Variants in COL19A1 observed in about 807,000 individuals in gnomAD.
COL19A1 encodes the protein collagen alpha-1(XIX) chain.
Under a neutral mutation model 190.2 loss-of-function variants are expected in COL19A1, and 159 were observed. That is an observed-to-expected ratio of 0.84 (90% CI 0.73 to 0.95). The LOEUF is 0.95. Ranked by LOEUF, COL19A1 falls within the 40% of genes least tolerant of loss-of-function variation. The pLI is 0.00. For synonymous variants in COL19A1, 509 were observed against 458.9 expected (o/e 1.11, Z -1.39); for missense variants, 1,418 against 1,431.9 (o/e 0.99, Z 0.16).
In COL19A1 at chr6:70,051,288, G is replaced by A. The variant is rs76940776; in HGVS notation, c.1170+15349G>A. 8.7e-3 allele frequency among the ~76,000 whole-genome samples: 1,324 copies of A among 152,224 alleles called. 7 individuals are homozygous for A. Among genetic ancestry groups the A allele is most frequent in the Non-Finnish European group, 0.014 (985 of 67,994 alleles). On this transcript the variant is annotated intron_variant, in intron 14 of 50. Coordinates refer to ENST00000620364, the MANE Select transcript of COL19A1 (RefSeq NM_001858.6). The stretch of plus-strand genomic sequence containing the variant: ...ATTAGACTTACCAGTGTCAAGAACT[G>A]TAAAAGATATGAGATTTTACCCAAC...
intron 16 of COL19A1, among the ~76,000 whole-genome samples, chr6:70,117,158 A>C (rs991329814): frequency 1.3e-5 from 2 of 152,212 alleles, no homozygotes; most frequent in African/African-American, 4.8e-5. Flanking sequence ...CTAAAGCTGG[A>C]TCAGAAGGCT....
chr6:70,009,498 C>G (rs1448300111), intron 11 of COL19A1, among the ~76,000 whole-genome samples: 1 of 151,920 alleles, frequency 6.6e-6, no homozygotes, highest in Non-Finnish European at 1.5e-5. Context: ...TTGGAAGACC[C>G]AGTATTATTA....
intron 11 of COL19A1, among the ~76,000 whole-genome samples, chr6:69,983,849 C>T (rs980428386): frequency 6.6e-6 from 1 of 151,934 alleles, no homozygotes; most frequent in Non-Finnish European, 1.5e-5. Context: ...TAAGTGGATT[C>T]AATTTGCTAC....
At chr6:70,022,409 A>G (rs1273246987) in intron 11 of COL19A1, among the ~76,000 whole-genome samples, 1 of 152,210 alleles carries the variant, frequency 6.6e-6, no homozygotes, top group East Asian at 1.9e-4. Flanking sequence ...ATCACAATGC[A>G]TAGATTAACC....
At chr6:70,185,841 A>G (rs1438381527) in intron 46 of COL19A1, among the ~76,000 whole-genome samples, 2 of 152,184 alleles carry the variant, frequency 1.3e-5, no homozygotes, top group Non-Finnish European at 2.9e-5. Context: ...ATTTATCATT[A>G]TACAAGTAAT....
intron 11 of COL19A1, among the ~76,000 whole-genome samples, chr6:70,023,296 G>C (rs1490161630): frequency 4.6e-5 from 7 of 151,878 alleles, no homozygotes; most frequent in African/African-American, 1.7e-4. Flanking sequence ...ACCATGCCTG[G>C]CTAATTTTTT....
chr6:70,100,575 G>GACAGAATT (rs1783569425), intron 15 of COL19A1, among the ~76,000 whole-genome samples: 13 of 146,212 alleles, frequency 8.9e-5, no homozygotes, highest in Admixed American at 2.1e-4. Flanking sequence ...CTGTCTCCCA[G>GACAGAATT]GCTGGAGTGC....
chr6:70,018,685 G>A (rs1373260366), intron 11 of COL19A1, among the ~76,000 whole-genome samples: 3 of 152,092 alleles, frequency 2.0e-5, no homozygotes, highest in Admixed American at 1.3e-4. Flanking sequence ...ACGGAATGGG[G>A]AAAATAAGTC....
chr6:70,193,627 G>A (rs1047690497), intron 48 of COL19A1, among the ~76,000 whole-genome samples: 4 of 152,068 alleles, frequency 2.6e-5, no homozygotes, highest in Admixed American at 1.3e-4. Context: ...ATTTTAAAGC[G>A]ACCCATAAGG....
intron 14 of COL19A1, chr6:70,059,919 T>C (rs1486817165): frequency 6.0e-6 from 2 of 334,134 alleles, no homozygotes; most frequent in South Asian, 2.5e-5. Flanking sequence ...GCAAATTAAA[T>C]TGAAGAAGAA....
chr6:69,899,050 A>ATAT (rs1769982440), intron 3 of COL19A1, 28 bp downstream of exon 3: 2 of 1,448,784 alleles, frequency 1.4e-6, no homozygotes, highest in Middle Eastern at 1.8e-4. Context: ...TTGCAAAGTA[A>ATAT]TATTTTATGT....
In COL19A1 at chr6:70,205,743, G is replaced by A. The variant is rs140762027; in HGVS notation, c.3224-1158G>A. 2.6e-5 allele frequency among the ~76,000 whole-genome samples: 4 copies of A among 152,302 alleles called. No individual in the cohort carries two copies. In the East Asian group the frequency reaches 7.7e-4, roughly 29 times the overall value. ...TATGCTTTTTATAAGCAGGGATAATGACTTCCAGAGACACAAATTTCTCTG... is the reference window on the plus strand; with the variant it reads ...TATGCTTTTTATAAGCAGGGATAATAACTTCCAGAGACACAAATTTCTCTG... On this transcript the variant is annotated intron_variant, in intron 49 of 50. Coordinates refer to ENST00000620364, the MANE Select transcript of COL19A1 (RefSeq NM_001858.6).
intron 1 of COL19A1, among the ~76,000 whole-genome samples, chr6:69,871,191 G>T (rs1329981804): frequency 6.6e-6 from 1 of 152,090 alleles, no homozygotes; most frequent in African/African-American, 2.4e-5. Flanking sequence ...TACTCTATAG[G>T]CTTGGCTCTT....
intron 49 of COL19A1, among the ~76,000 whole-genome samples, chr6:70,202,848 T>C (rs527646772): frequency 6.6e-6 from 1 of 152,210 alleles, no homozygotes; most frequent in African/African-American, 2.4e-5. Context: ...TCCAAAGGGG[T>C]GATTGTCGAT....
intron 11 of COL19A1, among the ~76,000 whole-genome samples, chr6:70,019,913 G>C (rs1778325990): frequency 6.6e-6 from 1 of 151,858 alleles, no homozygotes; most frequent in South Asian, 2.1e-4. Flanking sequence ...GGTTACTATT[G>C]TCAATTTTCT....
rs574551677 is a variant in COL19A1, at chr6:70,096,394, C to A, written c.1225-5775C>A. On this transcript the variant is annotated intron_variant, in intron 15 of 50. Transcript: ENST00000620364. ...CAATTTTACAATCCCATCAACCTTGCACAAGTGTTCCAATTTCTCCATGTC... is the reference window on the plus strand; with the variant it reads ...CAATTTTACAATCCCATCAACCTTGAACAAGTGTTCCAATTTCTCCATGTC... Among the ~76,000 whole-genome samples, 3 of 152,166 alleles carry A rather than the reference C, an allele frequency of 2.0e-5. No homozygotes were observed. In the East Asian group the frequency reaches 5.8e-4, roughly 29 times the overall value.
At chr6:70,139,926 T>C (rs891084562) in intron 19 of COL19A1, among the ~76,000 whole-genome samples, 5 of 148,876 alleles carry the variant, frequency 3.4e-5, no homozygotes, top group East Asian at 3.9e-4. Context: ...GTTTTTCTCT[T>C]TTTTTTTTTT....
At chr6:70,032,373 A>T (rs1779122883) in intron 12 of COL19A1, among the ~76,000 whole-genome samples, 1 of 152,144 alleles carries the variant, frequency 6.6e-6, no homozygotes, top group Non-Finnish European at 1.5e-5. Context: ...AACCATGACT[A>T]AAAGTTTGGT....
At chr6:70,193,366 C>G (rs898651538) in intron 48 of COL19A1, among the ~76,000 whole-genome samples, 21 of 152,320 alleles carry the variant, frequency 1.4e-4, no homozygotes, top group Middle Eastern at 3.4e-3. Flanking sequence ...CACCAGACTT[C>G]TGCTTTCTGA....
Sources: allele counts gnomAD v4.1 joint callset (sites outside exome capture counted in the v4.1 genomes callset), GRCh38; gene constraint gnomAD v4.1.1; transcripts MANE v1.5; gene names NCBI Gene and HGNC (gene_info 2026-07-23, HGNC 2026-07-21).